The following CDH13 variants were observed in gnomAD, a reference collection of about 807,000 sequenced individuals.
CDH13 encodes cadherin-13.
CDH13 carries 24 observed loss-of-function variants against 63.8 expected under a neutral mutation model. The ratio of observed to expected loss-of-function variants is 0.38; its 90% CI spans 0.27 to 0.53. The LOEUF is 0.53. Among genes scored for constraint, CDH13 ranks in the 20% least tolerant of loss-of-function variants. The pLI, the probability that CDH13 is intolerant of heterozygous loss-of-function variation, is 0.85. For missense variants in CDH13, 1,049 were observed against 903.1 expected (o/e 1.16, Z -2.07); for synonymous variants, 503 against 355.3 (o/e 1.42, Z -4.67).
At chr16:83,506,803 A>G (rs759086922) in intron 7 of CDH13, among the ~76,000 whole-genome samples, 5 of 152,352 alleles carry the variant, frequency 3.3e-5, no homozygotes, top group Middle Eastern at 6.8e-3. Flanking sequence ...CCACATGGCA[A>G]GGAACTGAGG....
chr16:83,143,833 C>G (rs906592924), intron 4 of CDH13, among the ~76,000 whole-genome samples: 2 of 152,038 alleles, frequency 1.3e-5, no homozygotes, highest in Non-Finnish European at 2.9e-5. Context: ...CTCTGCCTGA[C>G]TCTATTAAGA....
intron 6 of CDH13, among the ~76,000 whole-genome samples, chr16:83,351,535 C>T (rs2090951699): frequency 6.6e-6 from 1 of 152,150 alleles, no homozygotes; most frequent in Admixed American, 6.5e-5. Flanking sequence ...CCTCAGGGTC[C>T]TATGGACATT....
At chr16:83,368,523 CT>C (rs914130636) in intron 6 of CDH13, among the ~76,000 whole-genome samples, 8 of 151,472 alleles carry the variant, frequency 5.3e-5, no homozygotes. Flanking sequence ...TCTTTTTTTT[CT>C]TTTTTTATTT....
Position 83,699,593 on chromosome 16 carries a change from G to A in CDH13, c.1538+21132G>A, listed in dbSNP as rs1228027704. On this transcript the variant is annotated intron_variant, in intron 10 of 13. Transcript: ENST00000567109. Reference sequence around the variant, plus strand: ...GTGCCAGCCTGTGGCATCCCATGTCGCCCTTCTCCCCAGTCCTCCCTTGGC... The same window carrying A: ...GTGCCAGCCTGTGGCATCCCATGTCACCCTTCTCCCCAGTCCTCCCTTGGC... Among the ~76,000 whole-genome samples the A allele has an allele frequency of 2.6e-5, 4 of 151,990 alleles. No homozygotes were observed. The East Asian group carries it at 5.8e-4, about 22-fold the overall frequency.
intron 2 of CDH13, among the ~76,000 whole-genome samples, chr16:82,985,162 A>G (rs1910775382): frequency 6.6e-6 from 1 of 151,512 alleles, no homozygotes; most frequent in Non-Finnish European, 1.5e-5. Flanking sequence ...GAAATACATT[A>G]CTTTAATCCT....
intron 5 of CDH13, among the ~76,000 whole-genome samples, chr16:83,319,818 G>C (rs1022604593): frequency 6.6e-6 from 1 of 152,122 alleles, no homozygotes; most frequent in African/African-American, 2.4e-5. Context: ...TGAATAATCA[G>C]GTCATAGCTA....
chr16:82,855,795 G>T (rs529618869), intron 1 of CDH13, among the ~76,000 whole-genome samples: 1 of 152,172 alleles, frequency 6.6e-6, no homozygotes, highest in African/African-American at 2.4e-5. Context: ...ATGTTGTTCA[G>T]GCCAGCCACA....
chr16:83,761,761 G>A (rs1005879196), intron 11 of CDH13, among the ~76,000 whole-genome samples: 2 of 152,122 alleles, frequency 1.3e-5, no homozygotes, highest in African/African-American at 4.8e-5. Flanking sequence ...TTTACAAACT[G>A]TTATCAGTAA....
intron 6 of CDH13, among the ~76,000 whole-genome samples, chr16:83,374,366 G>A (rs889083961): frequency 2.0e-5 from 3 of 152,148 alleles, no homozygotes; most frequent in Admixed American, 6.6e-5. Context: ...TAAGGTCTTA[G>A]GTTTGCTTGC....
chr16:83,433,136 T>C (rs2072177381), intron 6 of CDH13, among the ~76,000 whole-genome samples: 1 of 152,300 alleles, frequency 6.6e-6, no homozygotes, highest in East Asian at 1.9e-4. Context: ...ATGTGCCAGA[T>C]ACTAGACTAG....
At chr16:82,921,571 A>G (rs1201434698) in intron 2 of CDH13, among the ~76,000 whole-genome samples, 1 of 152,194 alleles carries the variant, frequency 6.6e-6, no homozygotes, top group Non-Finnish European at 1.5e-5. Flanking sequence ...GGTAGTATTT[A>G]CAGGTTGCAG....
chr16:83,066,346 G>A (rs547440444), intron 3 of CDH13, among the ~76,000 whole-genome samples: 45 of 152,110 alleles, frequency 3.0e-4, no homozygotes, highest in Admixed American at 9.8e-4. Context: ...CTTGTTTTTC[G>A]GAGACATGCA....
At chr16:83,168,302 C>T (rs976915589) in intron 4 of CDH13, among the ~76,000 whole-genome samples, 1 of 151,972 alleles carries the variant, frequency 6.6e-6, no homozygotes, top group East Asian at 1.9e-4. Flanking sequence ...ATCCAATGGA[C>T]GGTGCCATCC....
intron 7 of CDH13, among the ~76,000 whole-genome samples, chr16:83,577,427 T>A (rs1567779002): frequency 1.3e-5 from 2 of 152,360 alleles, no homozygotes; most frequent in South Asian, 4.1e-4. Flanking sequence ...GGTCCAGCTC[T>A]CTGGGGATGT....
intron 2 of CDH13, among the ~76,000 whole-genome samples, chr16:82,924,438 ATATT>A (rs1478608966): frequency 9.2e-5 from 14 of 152,264 alleles, no homozygotes; most frequent in African/African-American, 3.4e-4. Flanking sequence ...ATCAAAACAA[ATATT>A]TATTTACTCA....
At chr16:82,950,809 T>G (rs1358586573) in intron 2 of CDH13, among the ~76,000 whole-genome samples, 1 of 129,830 alleles carries the variant, frequency 7.7e-6, no homozygotes, top group African/African-American at 3.3e-5. Context: ...TCCCACATCT[T>G]TTTTTTTTTT....
At chr16:83,077,351 C>T (rs182595611) in intron 3 of CDH13, among the ~76,000 whole-genome samples, 14 of 151,684 alleles carry the variant, frequency 9.2e-5, no homozygotes, top group African/African-American at 3.1e-4. Context: ...ACCACCATGC[C>T]TGGCTAATTT....
intron 3 of CDH13, among the ~76,000 whole-genome samples, chr16:83,111,151 G>T (rs11641346): frequency 0.36 from 54,918 of 151,304 alleles, 10,875 homozygotes; most frequent in Middle Eastern, 0.52. Context: ...CAGCCTGGGC[G>T]ACAGAGCGGG....
At chr16:83,393,820 A>G (rs530164091) in intron 6 of CDH13, among the ~76,000 whole-genome samples, 62 of 152,300 alleles carry the variant, frequency 4.1e-4, no homozygotes, top group African/African-American at 1.5e-3. Flanking sequence ...TTCACCCCCT[A>G]GTGGAGGGAG....
Sources: allele counts gnomAD v4.1 joint callset (sites outside exome capture counted in the v4.1 genomes callset), GRCh38; gene constraint gnomAD v4.1.1; transcripts MANE v1.5; gene names NCBI Gene and HGNC (gene_info 2026-07-23, HGNC 2026-07-21).